The following PLA2G5 variants were observed in gnomAD, a reference collection of about 807,000 sequenced individuals.
The protein encoded by PLA2G5 is phospholipase A2 group V.
In PLA2G5, 12 loss-of-function variants were observed where a neutral mutation model predicts 15.9. The observed-to-expected ratio is 0.76, with a 90% confidence interval of 0.48 to 1.23. The LOEUF is 1.23. Ranked by LOEUF, PLA2G5 falls within the 50% of genes most tolerant of loss-of-function variation. PLA2G5 has a pLI of 0.00. For synonymous variants in PLA2G5, 71 were observed against 71.4 expected, an observed-to-expected ratio of 0.99 and a Z score of 0.03; for missense variants, 169 against 177.1, an observed-to-expected ratio of 0.95 and a Z score of 0.26.
At chr1:20,087,289 A>C (rs575003236) in intron 3 of PLA2G5, among the ~76,000 whole-genome samples, 1 of 152,354 alleles carries the variant, frequency 6.6e-6, no homozygotes, top group Admixed American at 6.5e-5. Flanking sequence ...CCTAACATAC[A>C]GTCATCCCTC....
At chr1:20,041,787 A>C (rs1404725479) in intron 1 of PLA2G5, among the ~76,000 whole-genome samples, 2 of 152,144 alleles carry the variant, frequency 1.3e-5, no homozygotes, top group East Asian at 3.9e-4. Flanking sequence ...CGATTGGTGG[A>C]AGTTTCAGTG....
At chr1:20,057,021 C>G (rs983874374) in intron 1 of PLA2G5, among the ~76,000 whole-genome samples, 1 of 152,052 alleles carries the variant, frequency 6.6e-6, no homozygotes, top group African/African-American at 2.4e-5. Context: ...TATAATATTA[C>G]TTTTATTCCT....
At chr1:20,081,427 A>G (rs2016018115) in intron 1 of PLA2G5, among the ~76,000 whole-genome samples, 1 of 151,868 alleles carries the variant, frequency 6.6e-6, no homozygotes, top group Non-Finnish European at 1.5e-5. Context: ...TGTTATTTAC[A>G]GCTCCCAGAA....
chr1:20,036,598 T>C (rs1476576455), intron 1 of PLA2G5, among the ~76,000 whole-genome samples: 3 of 152,150 alleles, frequency 2.0e-5, no homozygotes, highest in Non-Finnish European at 4.4e-5. Context: ...GTTGCAATTG[T>C]TTTTTTATTT....
At chr1:20,042,206 A>G (rs1557725861) in intron 1 of PLA2G5, among the ~76,000 whole-genome samples, 1 of 152,208 alleles carries the variant, frequency 6.6e-6, no homozygotes, top group South Asian at 2.1e-4. Flanking sequence ...GGTAGCCTCA[A>G]TGATAGATGT....
intron 1 of PLA2G5, among the ~76,000 whole-genome samples, chr1:20,059,422 A>T (rs1306886678): frequency 7.1e-6 from 1 of 141,650 alleles, no homozygotes; most frequent in African/African-American, 2.8e-5. Flanking sequence ...GGTCCTGTCT[A>T]AAAAAAAAAA....
intron 1 of PLA2G5, among the ~76,000 whole-genome samples, chr1:20,073,462 T>C (rs1057328336): frequency 6.6e-6 from 1 of 152,330 alleles, no homozygotes; most frequent in African/African-American, 2.4e-5. Context: ...TAGTGGTGTG[T>C]ATCTTTACAG....
chr1:20,033,070 T>G (rs1487872095), intron 1 of PLA2G5, among the ~76,000 whole-genome samples: 2 of 152,214 alleles, frequency 1.3e-5, no homozygotes, highest in Non-Finnish European at 2.9e-5. Context: ...TTGGAATTGG[T>G]GTAAATTGGT....
chr1:20,089,923 A>T (rs1194091697), intron 4 of PLA2G5, 28 bp downstream of exon 4: 2 of 1,523,222 alleles, frequency 1.3e-6, no homozygotes, highest in Non-Finnish European at 1.8e-6. Flanking sequence ...CGTTCGGGCC[A>T]TTGGAAGAGC....
rs2015302445 is a variant in PLA2G5 at position 20,070,454 on chromosome 1, C to T, written c.-22C>T. The T allele has an allele frequency of 2.0e-6, 2 of 985,260 alleles. No individual in the cohort carries two copies. Among genetic ancestry groups the T allele is most frequent in the South Asian group, 4.7e-5 (1 of 21,284 alleles). The allele number at this position is 985,260 out of a possible 1,614,324, so 61.0% of individuals were successfully genotyped here. On this transcript the variant is annotated 5_prime_UTR_variant, in exon 1 of 5. Coordinates refer to ENST00000375108, the MANE Select transcript of PLA2G5 (RefSeq NM_000929.3). ...AGACCTCTAGAGCAGGATTTGAGGC[C>T]AGGCCAAAGAGGTTAGTTACTGATG...
upstream of PLA2G5, among the ~76,000 whole-genome samples, chr1:20,065,562 C>T (rs2014972253): frequency 6.6e-6 from 1 of 152,126 alleles, no homozygotes; most frequent in Non-Finnish European, 1.5e-5. Flanking sequence ...CCTTTATGTT[C>T]CTCCATGTCT....
At chr1:20,063,598 G>A (rs943384227) in intron 2 of PLA2G5, 3 of 152,254 alleles carry the variant, frequency 2.0e-5, no homozygotes, top group Non-Finnish European at 1.5e-5. Context: ...GGCAGGATGA[G>A]CATGGTAGGT....
At chr1:20,080,830 T>C (rs566655773) in intron 1 of PLA2G5, among the ~76,000 whole-genome samples, 2 of 151,812 alleles carry the variant, frequency 1.3e-5, no homozygotes, top group South Asian at 2.1e-4. Flanking sequence ...TGGGGCTGCT[T>C]TGCCTGAGGG....
At chr1:20,037,339 C>T (rs2013315581) in intron 1 of PLA2G5, among the ~76,000 whole-genome samples, 2 of 152,180 alleles carry the variant, frequency 1.3e-5, no homozygotes, top group East Asian at 1.9e-4. Context: ...TGGGTCTAGC[C>T]ATCCAGCAGA....
intron 1 of PLA2G5, among the ~76,000 whole-genome samples, chr1:20,055,842 G>C (rs1335174711): frequency 6.6e-6 from 1 of 152,162 alleles, no homozygotes; most frequent in African/African-American, 2.4e-5. Flanking sequence ...ACCTATACGT[G>C]TAGTAAGTGC....
At chr1:20,038,059 G>A (rs2013367323) in intron 1 of PLA2G5, among the ~76,000 whole-genome samples, 1 of 152,152 alleles carries the variant, frequency 6.6e-6, no homozygotes. Context: ...GCTTCACCCA[G>A]TTCCCATGCA....
chr1:20,068,170 G>A (rs2015150785), upstream of PLA2G5, among the ~76,000 whole-genome samples: 1 of 151,954 alleles, frequency 6.6e-6, no homozygotes, highest in South Asian at 2.1e-4. Flanking sequence ...AATCAGAGGG[G>A]AAACACTGGG....
chr1:20,086,009 G>C lies in PLA2G5; in HGVS notation c.41-74G>C, dbSNP rs11573264. ...AAGCCCTGGGTGGGAGAAAGGGTAG[G>C]AGATGTTGGGCAGTGGGCCTAAAGC... On this transcript the variant is annotated intron_variant, in intron 2 of 4. Transcript: ENST00000375108. The C allele has an allele frequency of 3.2e-4, 486 of 1,500,954 alleles. 8 individuals are homozygous for C. The South Asian group carries it at 5.1e-3, about 16-fold the overall frequency. 93.0% of individuals were successfully genotyped at this position (1,500,954 alleles called of 1,614,324 possible). A position where few individuals can be genotyped will look rare whatever the true frequency, so the allele number is the denominator to read the frequency against.
intron 1 of PLA2G5, among the ~76,000 whole-genome samples, chr1:20,033,530 G>C (rs972739693): frequency 6.6e-6 from 1 of 152,190 alleles, no homozygotes; most frequent in Non-Finnish European, 1.5e-5. Context: ...GTAATGTGTT[G>C]GTTAGAGAGT....
Sources: allele counts gnomAD v4.1 joint callset (sites outside exome capture counted in the v4.1 genomes callset), GRCh38; gene constraint gnomAD v4.1.1; transcripts MANE v1.5; gene names NCBI Gene and HGNC (gene_info 2026-07-23, HGNC 2026-07-21).